SHOC2: variants seen among roughly 807,000 people sequenced by gnomAD.
The protein encoded by SHOC2 is leucine-rich repeat protein SHOC-2.
A neutral mutation model predicts 50.2 loss-of-function variants in SHOC2; 4 were observed. The ratio of observed to expected loss-of-function variants is 0.08; its 90% confidence interval spans 0.04 to 0.18. The LOEUF (loss-of-function observed/expected upper bound fraction) is 0.18. SHOC2 is among the 10% of genes least tolerant of loss of function. The pLI is 1.00. For missense variants in SHOC2, 388 were observed against 669.6 expected, an observed-to-expected ratio of 0.58 and a Z score of 4.64; for synonymous variants, 218 against 244.5, an observed-to-expected ratio of 0.89 and a Z score of 1.01.
chr10:110,947,711 C>T lies in SHOC2; in HGVS notation c.-234-16414C>T, dbSNP rs1046841008. Among the ~76,000 whole-genome samples the T allele has an allele frequency of 4.0e-5, 6 of 148,646 alleles. No individual in the cohort carries two copies. In the South Asian group the frequency reaches 6.3e-4, roughly 16 times the overall value. ...ACTACAAGATGTCTTATATACATTT[C>T]GTGGAGAAAAACCCCTGTAAATACA... is the stretch of plus-strand genomic sequence containing the variant. On this transcript the variant is annotated intron_variant, in intron 1 of 8. Coordinates refer to ENST00000369452, the MANE Select transcript of SHOC2 (RefSeq NM_007373.4).
chr10:110,986,136 C>T (rs950107952), intron 3 of SHOC2, among the ~76,000 whole-genome samples: 2 of 152,052 alleles, frequency 1.3e-5, no homozygotes, highest in South Asian at 4.1e-4. Flanking sequence ...AAAATAAAAC[C>T]ATTGCTATTT....
At chr10:110,951,010 A>G (rs1160465643) in intron 1 of SHOC2, among the ~76,000 whole-genome samples, 1 of 152,236 alleles carries the variant, frequency 6.6e-6, no homozygotes, top group Non-Finnish European at 1.5e-5. Context: ...CCAAAAGCAT[A>G]AGGAATAAAA....
intron 1 of SHOC2, among the ~76,000 whole-genome samples, chr10:110,943,542 C>T (rs1037160803): frequency 6.6e-6 from 1 of 152,124 alleles, no homozygotes; most frequent in East Asian, 1.9e-4. Flanking sequence ...AGCTAACTTA[C>T]AGGAGATTTG....
chr10:110,963,147 T>C (rs150465119), intron 1 of SHOC2, among the ~76,000 whole-genome samples: 95 of 152,336 alleles, frequency 6.2e-4, no homozygotes, highest in African/African-American at 2.3e-3. Context: ...GTTAGTTAAA[T>C]AGAGTTAACA....
chr10:111,013,005 T>C lies in SHOC2; in HGVS notation c.*1187T>C, dbSNP rs1028950726. The C allele has an allele frequency of 6.5e-6, 1 of 152,672 alleles. No individual in the cohort carries two copies. 9.5% of individuals were successfully genotyped at this position (152,672 alleles called of 1,614,324 possible). ...GGGGCACTGGCTTCAAACAATTCAG[T>C]TCAGTATCATTACTTTTAATCTCAT... On this transcript the variant is annotated 3_prime_UTR_variant, in exon 9 of 9. Transcript: ENST00000369452.
chr10:110,960,351 A>G (rs1025009034), intron 1 of SHOC2, among the ~76,000 whole-genome samples: 1 of 152,240 alleles, frequency 6.6e-6, no homozygotes, highest in African/African-American at 2.4e-5. Flanking sequence ...CTCACCCTTG[A>G]CTTAGAAGCC....
At chr10:110,950,180 TA>T (rs1197216993) in intron 1 of SHOC2, among the ~76,000 whole-genome samples, 1 of 152,164 alleles carries the variant, frequency 6.6e-6, no homozygotes, top group Non-Finnish European at 1.5e-5. Context: ...TTAGAATTAA[TA>T]AATGAATTCA....
At chr10:110,954,645 A>G (rs1847423042) in intron 1 of SHOC2, among the ~76,000 whole-genome samples, 1 of 152,238 alleles carries the variant, frequency 6.6e-6, no homozygotes, top group Non-Finnish European at 1.5e-5. Flanking sequence ...TTGCAGGGAA[A>G]TGGGATGTAT....
Position 110,964,335 on chromosome 10 carries a change from G to A in SHOC2, c.-24G>A, listed in dbSNP as rs747122393. On this transcript the variant is annotated 5_prime_UTR_variant, in exon 2 of 9. It removes the in-frame stop codon of an upstream open reading frame in the 5' UTR. Coordinates refer to ENST00000369452, the MANE Select transcript of SHOC2 (RefSeq NM_007373.4). The surrounding 1 kb of genome is among the most constrained non-coding windows in gnomAD (Gnocchi z 4.9). ...CTGGAAAATAAAAGGAGTTCATGTAGTTTTTGTCCAGGCTTGAGTCACCAT... is the reference window on the plus strand; with the variant it reads ...CTGGAAAATAAAAGGAGTTCATGTAATTTTTGTCCAGGCTTGAGTCACCAT... The A allele has an allele frequency of 3.1e-6, 5 of 1,610,170 alleles. No homozygotes were observed. Among genetic ancestry groups the A allele is most frequent in the East Asian group, 4.5e-5 (2 of 44,834 alleles).
intron 1 of SHOC2, among the ~76,000 whole-genome samples, chr10:110,962,591 A>G (rs909480298): frequency 2.0e-5 from 3 of 152,152 alleles, no homozygotes; most frequent in South Asian, 2.1e-4. Context: ...TGCAGTTTCA[A>G]ATTTACAGAT....
At chr10:110,969,878 A>G (rs1226459775) in intron 2 of SHOC2, among the ~76,000 whole-genome samples, 1 of 152,224 alleles carries the variant, frequency 6.6e-6, no homozygotes, top group Non-Finnish European at 1.5e-5. Context: ...CAATTCTCAC[A>G]TCATTCATAT....
intron 1 of SHOC2, among the ~76,000 whole-genome samples, chr10:110,946,388 G>A (rs567657284): frequency 4.7e-5 from 7 of 149,474 alleles, no homozygotes; most frequent in South Asian, 4.3e-4. Flanking sequence ...TCTAGGCTCT[G>A]AATATACAGC....
At chr10:110,965,129 T>C in intron 2 of SHOC2, 68 bp downstream of exon 2, 1 of 1,351,262 alleles carries the variant, frequency 7.4e-7, no homozygotes, top group Non-Finnish European at 1.0e-6. Flanking sequence ...TGCTTTCTCA[T>C]ATCAAAAAAT....
chr10:111,009,048 C>A (rs1437013417), intron 6 of SHOC2, among the ~76,000 whole-genome samples, 200 bp from the exon 7 acceptor site: 1 of 151,982 alleles, frequency 6.6e-6, no homozygotes, highest in Non-Finnish European at 1.5e-5. Flanking sequence ...TTGATATAAT[C>A]AAATAAAATC....
chr10:110,962,254 GA>G (rs1847586420), intron 1 of SHOC2, among the ~76,000 whole-genome samples: 1 of 151,938 alleles, frequency 6.6e-6, no homozygotes, highest in East Asian at 1.9e-4. Flanking sequence ...TTGCTAAATA[GA>G]AATTTGATTT....
intron 1 of SHOC2, chr10:110,936,906 G>A (rs886260271): frequency 7.2e-7 from 1 of 1,380,488 alleles, no homozygotes. Context: ...TCGTAAGGCG[G>A]TGGGATGCAG....
intron 1 of SHOC2, among the ~76,000 whole-genome samples, chr10:110,937,430 C>T (rs906324329): frequency 2.6e-5 from 4 of 152,226 alleles, no homozygotes; most frequent in African/African-American, 9.6e-5. Flanking sequence ...AGCCATTTCC[C>T]TGGCTTGAGC....
chr10:110,979,286 A>C (rs1179069025), intron 2 of SHOC2, among the ~76,000 whole-genome samples: 2 of 152,232 alleles, frequency 1.3e-5, no homozygotes, highest in African/African-American at 4.8e-5. Context: ...TTGCCTTATC[A>C]AAGCGTGTAA....
chr10:110,980,422 T>A (rs1319740889), intron 2 of SHOC2, among the ~76,000 whole-genome samples: 1 of 151,996 alleles, frequency 6.6e-6, no homozygotes, highest in East Asian at 1.9e-4. Flanking sequence ...TCCCAAAGTG[T>A]CCTGTCACTT....
Sources: gnomAD v4.1 joint callset for allele counts (sites outside exome capture counted in the v4.1 genomes callset) on GRCh38, gnomAD v4.1.1 for gene constraint, Gnocchi (gnomAD v3.1) non-coding constraint, MANE v1.5 for transcripts, NCBI Gene and HGNC (gene_info 2026-07-23, HGNC 2026-07-21) for gene names.